DIAPH2: variants seen among roughly 807,000 people sequenced by gnomAD.
DIAPH2 encodes the protein protein diaphanous homolog 2.
A neutral mutation model predicts 92.7 loss-of-function variants in DIAPH2; 35 were observed. That is an observed-to-expected ratio of 0.38 (90% CI 0.29 to 0.50). The LOEUF is 0.50. Ranked by LOEUF, DIAPH2 falls within the 20% of genes least tolerant of loss-of-function variation. DIAPH2 has a pLI of 0.94. For synonymous variants in DIAPH2, 301 were observed against 280.4 expected, an observed-to-expected ratio of 1.07 and a Z score of -0.73; for missense variants, 701 against 819.5, an observed-to-expected ratio of 0.86 and a Z score of 1.77.
At chrX:97,402,195 G>T (rs1047244809) in intron 25 of DIAPH2, among the ~76,000 whole-genome samples, 1 of 90,613 alleles carries the variant, frequency 1.1e-5, no homozygotes, top group Non-Finnish European at 2.2e-5. Flanking sequence ...GATAAGGAAT[G>T]ATCATTTGCA....
chrX:96,871,875 A>G (rs2065145753), intron 4 of DIAPH2, among the ~76,000 whole-genome samples: 1 of 112,199 alleles, frequency 8.9e-6, no homozygotes, highest in African/African-American at 3.2e-5. Flanking sequence ...AATAAGCTGT[A>G]TTATCCATAC....
At chrX:96,696,756 C>T (rs746342805) in intron 1 of DIAPH2, among the ~76,000 whole-genome samples, 2 of 112,062 alleles carry the variant, frequency 1.8e-5, no homozygotes, top group Non-Finnish European at 3.8e-5. Context: ...CAATAGTACA[C>T]AATATCATAG....
At chrX:97,361,858 C>T (rs2069328518) in intron 24 of DIAPH2, among the ~76,000 whole-genome samples, 1 of 111,632 alleles carries the variant, frequency 9.0e-6, no homozygotes, top group Non-Finnish European at 1.9e-5. Flanking sequence ...ATTTTGTTGT[C>T]CAGGATTGTG....
At chrX:97,515,191 G>A (rs1446815041) in intron 26 of DIAPH2, among the ~76,000 whole-genome samples, 8 of 112,755 alleles carry the variant, frequency 7.1e-5, no homozygotes, top group Non-Finnish European at 1.5e-4. Flanking sequence ...CTCCGAGCCA[G>A]GTGCGGGATA....
intron 25 of DIAPH2, among the ~76,000 whole-genome samples, chrX:97,404,763 T>C (rs943740185): frequency 1.8e-5 from 2 of 112,251 alleles, no homozygotes; most frequent in African/African-American, 6.5e-5. Flanking sequence ...GCTGACGTTC[T>C]CTTACAAGAA....
intron 26 of DIAPH2, among the ~76,000 whole-genome samples, chrX:97,496,885 T>C (rs2070762671): frequency 9.0e-6 from 1 of 111,668 alleles, no homozygotes; most frequent in Admixed American, 9.5e-5. Flanking sequence ...ATTCCAATAA[T>C]CTTATGTTCC....
At chrX:97,382,932 A>G (rs771203528) in intron 24 of DIAPH2, among the ~76,000 whole-genome samples, 1 of 112,240 alleles carries the variant, frequency 8.9e-6, no homozygotes, top group African/African-American at 3.2e-5. Context: ...TTTTTGTCAA[A>G]CAGCTTGTAC....
At chrX:97,163,628 G>T (rs1461588000) in intron 22 of DIAPH2, among the ~76,000 whole-genome samples, 1 of 112,063 alleles carries the variant, frequency 8.9e-6, no homozygotes, top group Non-Finnish European at 1.9e-5. Context: ...TAGTTTTCCA[G>T]ATGAGACCAC....
At chrX:97,337,816 C>T (rs2069077794) in intron 23 of DIAPH2, among the ~76,000 whole-genome samples, 1 of 110,388 alleles carries the variant, frequency 9.1e-6, no homozygotes, top group African/African-American at 3.3e-5. Flanking sequence ...TGAGTCCTCA[C>T]CCAAACTGCT....
intron 23 of DIAPH2, among the ~76,000 whole-genome samples, chrX:97,321,394 A>G (rs1269996402): frequency 9.0e-6 from 1 of 110,633 alleles, no homozygotes; most frequent in African/African-American, 3.3e-5. Context: ...ATTTTCCCTA[A>G]TATTTATTTG....
At chrX:96,980,351 C>G (rs1299556882) in intron 17 of DIAPH2, among the ~76,000 whole-genome samples, 3 of 111,098 alleles carry the variant, frequency 2.7e-5, no homozygotes, top group Non-Finnish European at 3.8e-5. Flanking sequence ...GGACTCTTTT[C>G]TAAAGTCCTG....
intron 4 of DIAPH2, among the ~76,000 whole-genome samples, chrX:96,809,342 A>T (rs1203434191): frequency 1.4e-3 from 104 of 72,190 alleles, no homozygotes; most frequent in African/African-American, 5.0e-3. Context: ...AAATGTGGTT[A>T]AAAAAAAAAA....
At chrX:97,356,053 AC>A (rs775308446) in intron 24 of DIAPH2, among the ~76,000 whole-genome samples, 11 of 111,767 alleles carry the variant, frequency 9.8e-5, no homozygotes, top group African/African-American at 3.2e-4. Flanking sequence ...ACAGTTTCCT[AC>A]TGCTCCAATT....
chrX:97,522,553 A>G (rs928348270), intron 26 of DIAPH2, among the ~76,000 whole-genome samples: 1 of 112,799 alleles, frequency 8.9e-6, no homozygotes, highest in Non-Finnish European at 1.9e-5. Flanking sequence ...TTTGAGGTTT[A>G]TCTGGTTAAA....
chrX:97,094,496 T>C (rs2066851098), intron 19 of DIAPH2, among the ~76,000 whole-genome samples: 1 of 112,144 alleles, frequency 8.9e-6, no homozygotes, highest in South Asian at 3.7e-4. Flanking sequence ...TTTTTGAAAA[T>C]AGTGACTGCA....
At chrX:96,894,933 G>A (rs1456512198) in intron 5 of DIAPH2, among the ~76,000 whole-genome samples, 5 of 108,075 alleles carry the variant, frequency 4.6e-5, no homozygotes, top group Non-Finnish European at 7.7e-5. Context: ...AGTTCATTTG[G>A]GGAGCAGGAA....
intron 20 of DIAPH2, among the ~76,000 whole-genome samples, chrX:97,113,397 G>A (rs192526217): frequency 2.3e-3 from 259 of 111,700 alleles, no homozygotes; most frequent in Non-Finnish European, 4.2e-3. Flanking sequence ...TGAAGAAATA[G>A]CAGTACAATT....
At chrX:96,706,676 G>C in intron 1 of DIAPH2, among the ~76,000 whole-genome samples, 1 of 111,744 alleles carries the variant, frequency 8.9e-6, no homozygotes, top group Middle Eastern at 4.6e-3. Flanking sequence ...CTATGGAGCA[G>C]AGACTCTACA....
intron 4 of DIAPH2, among the ~76,000 whole-genome samples, chrX:96,817,465 A>T (rs2064745045): frequency 8.9e-6 from 1 of 112,228 alleles, no homozygotes; most frequent in South Asian, 3.7e-4. Context: ...TCAGATAAAT[A>T]TGCCATATTT....
Sources: allele counts gnomAD v4.1 joint callset (sites outside exome capture counted in the v4.1 genomes callset), GRCh38; gene constraint gnomAD v4.1.1; transcripts MANE v1.5; gene names NCBI Gene and HGNC (gene_info 2026-07-23, HGNC 2026-07-21).